ZBTB9: variants seen among roughly 807,000 people sequenced by gnomAD.
ZBTB9 encodes the protein zinc finger and BTB domain containing 9, also known as zinc finger and BTB domain-containing protein 9.
A neutral mutation model predicts 26.3 loss-of-function variants in ZBTB9; 17 were observed. That is an observed-to-expected ratio of 0.65 (90% confidence interval 0.44 to 0.97). ZBTB9 has a LOEUF of 0.97. Ranked by LOEUF, ZBTB9 falls within the 50% of genes least tolerant of loss-of-function variation. The pLI, the probability that ZBTB9 is intolerant of heterozygous loss-of-function variation, is 0.00. For synonymous variants in ZBTB9, 226 were observed against 234.3 expected (o/e 0.96, Z 0.32); for missense variants, 510 against 594.2 (o/e 0.86, Z 1.47).
rs759213938 is a variant in ZBTB9 at position 33,456,009 on chromosome 6, T to G, written c.909T>G (p.Pro303=). ...AGATATCAGGAAGCGGAACTCAGCCTGGAGGAGCAAAGGAGGAAACCAAAG... is the reference window on the plus strand; with the variant it reads ...AGATATCAGGAAGCGGAACTCAGCCGGGAGGAGCAAAGGAGGAAACCAAAG... ...KEEISGSGTQ[P]GGAKEETKVF... The change falls in exon 2 of 2, where the codon CCT becomes CCG. Residue 303 remains proline, a synonymous_variant. Transcript: ENST00000395064. The surrounding 1 kb of genome is among the most constrained non-coding windows in gnomAD (Gnocchi z 5.1). 6.2e-7 allele frequency: 1 copy of G among 1,614,034 alleles called. No individual in the cohort carries two copies. The highest frequency in any genetic ancestry group is 2.2e-5 in the East Asian group (1 of 44,870).
chr6:33,455,731 G>A lies in ZBTB9; in HGVS notation c.631G>A (p.Val211Met). 1 of 1,614,120 alleles carries A rather than the reference G, an allele frequency of 6.2e-7. No homozygotes were observed. Among genetic ancestry groups the A allele is most frequent in the South Asian group, 1.1e-5 (1 of 91,074 alleles). The change falls in exon 2 of 2, where the codon GTG becomes ATG. Residue 211 changes from valine to methionine, a missense_variant. By Grantham distance (21) the Val-to-Met change is conservative (BLOSUM62 1). Coordinates refer to ENST00000395064, the MANE Select transcript of ZBTB9 (RefSeq NM_152735.4). ...ACTGGGAGAAGTGCTGCAAATTCAG[G>A]TGGAAGAAGAAGAGGAGGAGGAGGA... ...SELGEVLQIQ[V>M]EEEEEEEEDD...
chr6:33,455,872 A>T lies in ZBTB9; in HGVS notation c.772A>T (p.Thr258Ser). The change falls in exon 2 of 2, where the codon ACT (threonine) becomes TCT (serine). Residue 258 changes from threonine (T) to serine (S), a missense_variant. Coordinates refer to ENST00000395064, the MANE Select transcript of ZBTB9 (RefSeq NM_152735.4). ...HGPHPLPMTATPRKLPEGESA... is the reference protein window; with the variant it reads ...HGPHPLPMTASPRKLPEGESA... ...ACCCCACCCACTGCCCATGACTGCTACTCCCCGAAAGCTTCCAGAGGGTGA... is the reference window on the plus strand; with the variant it reads ...ACCCCACCCACTGCCCATGACTGCTTCTCCCCGAAAGCTTCCAGAGGGTGA... 1 of 1,612,852 alleles carries T rather than the reference A, an allele frequency of 6.2e-7. No homozygotes were observed. The highest frequency in any genetic ancestry group is 8.5e-7 in the Non-Finnish European group (1 of 1,179,546).
At position 33,454,584 on chromosome 6, in the gene ZBTB9, G is replaced by C. The variant is rs1048394976; in HGVS notation, c.-263G>C. The C allele has an allele frequency of 6.1e-6, 1 of 162,840 alleles. No individual in the cohort carries two copies. Among genetic ancestry groups the C allele is most frequent in the African/African-American group, 2.4e-5 (1 of 41,776 alleles). The allele number at this position is 162,840 out of a possible 1,614,324, so 10.1% of individuals were successfully genotyped here. A position where few individuals can be genotyped will look rare whatever the true frequency, so the allele number is the denominator to read the frequency against. On this transcript the variant is annotated 5_prime_UTR_variant, in exon 1 of 2. Coordinates refer to ENST00000395064, the MANE Select transcript of ZBTB9 (RefSeq NM_152735.4). ...TCCGGCGGGGAGGCGGCGGCTTCCG[G>C]TCTGGGACGGAGCTGTAGCGGCACT...
rs3119025 is a variant in ZBTB9, at chr6:33,455,199, T to A, written c.99T>A (p.Ser33=). 7.4e-6 allele frequency: 12 copies of A among 1,613,930 alleles called. No individual in the cohort carries two copies. In the African/African-American group the frequency reaches 1.3e-4, roughly 18 times the overall value. The change falls in exon 2 of 2, where the codon TCT becomes TCA. Residue 33 remains serine, a synonymous_variant. Transcript: ENST00000395064. ...IQIEFPQHSS[S]LLESLNRHRL... is the part of the protein sequence containing the mutation. ...TCGAGTTCCCACAGCATAGCTCGTC[T>A]CTGCTGGAATCTCTGAACCGCCACA...
rs1243588390 is a variant in ZBTB9, at chr6:33,455,937, C to T, written c.837C>T (p.Pro279=). Residue 279 remains proline (P), a synonymous_variant, in exon 2 of 2, where the codon CCC becomes CCT. Coordinates refer to ENST00000395064, the MANE Select transcript of ZBTB9 (RefSeq NM_152735.4). ...PLELPAPPAL[P]PKIFYIKQEP... ...AGCTTCCTGCCCCTCCTGCACTGCCCCCCAAAATCTTCTACATTAAGCAGG... is the reference window on the plus strand; with the variant it reads ...AGCTTCCTGCCCCTCCTGCACTGCCTCCCAAAATCTTCTACATTAAGCAGG... 2 of 1,611,954 alleles carry T rather than the reference C, an allele frequency of 1.2e-6. No individual in the cohort carries two copies. Among genetic ancestry groups the T allele is most frequent in the African/African-American group, 2.7e-5 (2 of 74,860 alleles).
upstream of ZBTB9, chr6:33,453,526 C>G (rs953651074): frequency 6.8e-6 from 1 of 147,584 alleles, no homozygotes; most frequent in African/African-American, 2.5e-5. Flanking sequence ...CTCTTCCTAC[C>G]TGTTTTATTT....
chr6:33,456,465 C>G lies in ZBTB9; in HGVS notation c.1365C>G (p.Arg455=). Reference sequence around the variant, plus strand: ...TCCGAGTCCATGCCTGTTTTCTCCGCCACCGGGACCTATGCAAGGGCCAGG... The same window carrying G: ...TCCGAGTCCATGCCTGTTTTCTCCGGCACCGGGACCTATGCAAGGGCCAGG... ...RRFRVHACFL[R]HRDLCKGQGW... is the part of the protein sequence containing the mutation. Residue 455 remains arginine, a synonymous_variant, in exon 2 of 2, where the codon CGC becomes CGG. Coordinates refer to ENST00000395064, the MANE Select transcript of ZBTB9 (RefSeq NM_152735.4). The surrounding 1 kb of genome is among the most constrained non-coding windows in gnomAD (Gnocchi z 5.1). 6.2e-7 allele frequency: 1 copy of G among 1,613,980 alleles called. No homozygotes were observed. The highest frequency in any genetic ancestry group is 1.1e-5 in the South Asian group (1 of 91,058).
In ZBTB9 at chr6:33,455,588, C is replaced by T; in HGVS notation, c.488C>T (p.Thr163Ile). ...GNSYHALLST[T>I]SSTGGWCIRS... ...TCCTACCATGCCCTTCTTTCCACTA[C>T]ATCCTCTACAGGAGGCTGGTGCATT... Residue 163 changes from threonine (T) to isoleucine (I), a missense_variant, in exon 2 of 2, where the codon ACA becomes ATA. Thr to Ile is a moderately conservative substitution (Grantham distance 89). Coordinates refer to ENST00000395064, the MANE Select transcript of ZBTB9 (RefSeq NM_152735.4). 1 of 1,613,882 alleles carries T rather than the reference C, an allele frequency of 6.2e-7. No individual in the cohort carries two copies. Among genetic ancestry groups the T allele is most frequent in the Non-Finnish European group, 8.5e-7 (1 of 1,179,830 alleles).
intron 1 of ZBTB9, 41 bp downstream of exon 1, chr6:33,454,816 T>TCCCTCC (rs1761445357): frequency 2.1e-6 from 1 of 483,936 alleles, no homozygotes; most frequent in Non-Finnish European, 3.6e-6. Context: ...CTTCTTATCT[T>TCCCTCC]CCACAGGGGC....
rs1378698895 is a variant in ZBTB9 at position 33,455,363 on chromosome 6, C to T, written c.263C>T (p.Pro88Leu). The change falls in exon 2 of 2, where the codon CCG becomes CTG. Residue 88 changes from proline (P) to leucine (L), a missense_variant. Pro to Leu is a moderately conservative substitution (Grantham distance 98). Transcript: ENST00000395064. ...LLGDAPRLTL[P>L]SVIEADAFEG... Reference sequence around the variant, plus strand: ...GGGGATGCGCCTCGTCTCACTCTACCGAGTGTCATTGAAGCCGATGCCTTC... The same window carrying T: ...GGGGATGCGCCTCGTCTCACTCTACTGAGTGTCATTGAAGCCGATGCCTTC... 2 of 1,614,186 alleles carry T rather than the reference C, an allele frequency of 1.2e-6. No individual in the cohort carries two copies. The highest frequency in any genetic ancestry group is 8.5e-7 in the Non-Finnish European group (1 of 1,180,042).
chr6:33,454,818 C>T, intron 1 of ZBTB9, 43 bp downstream of exon 1: 1 of 485,102 alleles, frequency 2.1e-6, no homozygotes, highest in Non-Finnish European at 3.6e-6. Flanking sequence ...TCTTATCTTC[C>T]ACAGGGGCTG....
chr6:33,456,624 A>G lies in ZBTB9; in HGVS notation c.*102A>G. 2 of 1,506,642 alleles carry G rather than the reference A, an allele frequency of 1.3e-6. No homozygotes were observed. The highest frequency in any genetic ancestry group is 1.8e-6 in the Non-Finnish European group (2 of 1,127,110). The allele number at this position is 1,506,642 out of a possible 1,614,324, so 93.3% of individuals were successfully genotyped here. On this transcript the variant is annotated 3_prime_UTR_variant, in exon 2 of 2. Coordinates refer to ENST00000395064, the MANE Select transcript of ZBTB9 (RefSeq NM_152735.4). The surrounding 1 kb of genome is among the most constrained non-coding windows in gnomAD (Gnocchi z 5.1). ...CACACCAGTCATGGATCTTGTAATC[A>G]TGCCAAGAGAATAGATACATTATGG...
rs758689515 is a variant in ZBTB9 at position 33,456,221 on chromosome 6, G to T, written c.1121G>T (p.Gly374Val). 69 of 1,612,364 alleles carry T rather than the reference G, an allele frequency of 4.3e-5. No homozygotes were observed. The highest frequency in any genetic ancestry group is 5.4e-5 in the Non-Finnish European group (64 of 1,179,438). Reference protein sequence around the residue: ...GQAVHGPVKLGGTPPADGKRF... With the variant: ...GQAVHGPVKLVGTPPADGKRF... ...GCCGTGCATGGGCCTGTGAAGCTAG[G>T]GGGGACACCCCCTGCAGATGGAAAA... is the stretch of plus-strand genomic sequence containing the variant. Residue 374 changes from glycine to valine, a missense_variant, in exon 2 of 2, where the codon GGG becomes GTG. By Grantham distance (109) the Gly-to-Val change is moderately radical. Around this residue, in one of 2 missense-constraint regions of ZBTB9, gnomAD observed 439 missense variants for 460.4 expected, o/e 0.95. Coordinates refer to ENST00000395064, the MANE Select transcript of ZBTB9 (RefSeq NM_152735.4). The surrounding 1 kb of genome is among the most constrained non-coding windows in gnomAD (Gnocchi z 5.1).
chr6:33,456,111 G>T lies in ZBTB9; in HGVS notation c.1011G>T (p.Gly337=). 4.3e-6 allele frequency: 7 copies of T among 1,613,476 alleles called. No individual in the cohort carries two copies. The highest frequency in any genetic ancestry group is 5.9e-6 in the Non-Finnish European group (7 of 1,179,756). Residue 337 remains glycine, a synonymous_variant, in exon 2 of 2, where the codon GGG becomes GGT. Coordinates refer to ENST00000395064, the MANE Select transcript of ZBTB9 (RefSeq NM_152735.4). The surrounding 1 kb of genome is among the most constrained non-coding windows in gnomAD (Gnocchi z 5.1). ...LLPSGPGPTS[G]GGGPSWKPVD... is the part of the protein sequence containing the mutation. ...CTTCAGGGCCAGGGCCAACATCTGG[G>T]GGAGGGGGTCCATCCTGGAAACCAG...
Position 33,455,885 on chromosome 6 carries a change from T to C in ZBTB9, c.785T>C (p.Leu262Pro). The stretch of plus-strand genomic sequence containing the variant: ...CCCATGACTGCTACTCCCCGAAAGC[T>C]TCCAGAGGGTGAGAGTGCACCACTT... ...PLPMTATPRK[L>P]PEGESAPLEL... is the part of the protein sequence containing the mutation. Residue 262 changes from leucine to proline, a missense_variant, in exon 2 of 2, where the codon CTT becomes CCT. Transcript: ENST00000395064. 6.2e-7 allele frequency: 1 copy of C among 1,613,458 alleles called. No individual in the cohort carries two copies. Among genetic ancestry groups the C allele is most frequent in the Admixed American group, 1.7e-5 (1 of 59,948 alleles).
chr6:33,456,185 G>A lies in ZBTB9; in HGVS notation c.1085G>A (p.Gly362Glu), dbSNP rs1761484562. The A allele has an allele frequency of 1.2e-6, 2 of 1,608,576 alleles. No homozygotes were observed. Among genetic ancestry groups the A allele is most frequent in the Non-Finnish European group, 1.7e-6 (2 of 1,177,354 alleles). The stretch of plus-strand genomic sequence containing the variant: ...CTGTCAGGGGGTGGAGGACCTGGGG[G>A]AGCAGGCCAGGCCGTGCATGGGCCT... ...EILSGGGGPG[G>E]AGQAVHGPVK... Residue 362 changes from glycine (G) to glutamate (E), a missense_variant, in exon 2 of 2, where the codon GGA becomes GAA. Coordinates refer to ENST00000395064, the MANE Select transcript of ZBTB9 (RefSeq NM_152735.4). This position sits in a 1 kb window ranked among gnomAD's most constrained non-coding sequence, Gnocchi z 5.1.
Position 33,457,330 on chromosome 6 carries a change from A to C in ZBTB9, c.*808A>C, listed in dbSNP as rs1189902085. 6.0e-6 allele frequency: 1 copy of C among 167,072 alleles called. No individual in the cohort carries two copies. The allele number at this position is 167,072 out of a possible 1,614,324, so 10.3% of individuals were successfully genotyped here. On this transcript the variant is annotated 3_prime_UTR_variant, in exon 2 of 2. Coordinates refer to ENST00000395064, the MANE Select transcript of ZBTB9 (RefSeq NM_152735.4). ...AGGGTGGCACCACTGCTCTCTGAAC[A>C]ACTTACCTTGGTCAGAGGGACTCAG...
chr6:33,455,269 C>G lies in ZBTB9; in HGVS notation c.169C>G (p.Arg57Gly). ...TGATGTGTCCCTCCTGGTGCAGGGC[C>G]GGGAACTTAGGGCTCATAAAGCAGT... ...FCDVSLLVQGRELRAHKAVLA... is the reference protein window; with the variant it reads ...FCDVSLLVQGGELRAHKAVLA... Residue 57 changes from arginine (R) to glycine (G), a missense_variant, in exon 2 of 2, where the codon CGG becomes GGG. By Grantham distance (125) the Arg-to-Gly change is moderately radical. This residue lies in a region of ZBTB9 where 439 missense variants were observed against 460.4 expected (regional missense o/e 0.95). Transcript: ENST00000395064. 3 of 1,614,166 alleles carry G rather than the reference C, an allele frequency of 1.9e-6. No individual in the cohort carries two copies. Among genetic ancestry groups the G allele is most frequent in the Non-Finnish European group, 1.7e-6 (2 of 1,180,024 alleles).
chr6:33,456,598 G>A lies in ZBTB9; in HGVS notation c.*76G>A, dbSNP rs1761491035. On this transcript the variant is annotated 3_prime_UTR_variant, in exon 2 of 2. Coordinates refer to ENST00000395064, the MANE Select transcript of ZBTB9 (RefSeq NM_152735.4). This position sits in a 1 kb window ranked among gnomAD's most constrained non-coding sequence, Gnocchi z 5.1. ...TGGATACTTTTCCCTCACTGCCATG[G>A]CACACCAGTCATGGATCTTGTAATC... 6.6e-7 allele frequency: 1 copy of A among 1,523,120 alleles called. No homozygotes were observed. The highest frequency in any genetic ancestry group is 1.4e-5 in the African/African-American group (1 of 72,018). 94.4% of individuals were successfully genotyped at this position (1,523,120 alleles called of 1,614,324 possible). A position where few individuals can be genotyped will look rare whatever the true frequency, so the allele number is the denominator to read the frequency against.
Sources: allele counts gnomAD v4.1 joint callset, GRCh38; gene constraint gnomAD v4.1.1; regional missense constraint gnomAD v4.1.1; non-coding constraint Gnocchi (gnomAD v3.1); transcripts MANE v1.5; gene names NCBI Gene and HGNC (gene_info 2026-07-23, HGNC 2026-07-21).